VRK2: variants seen among roughly 807,000 people sequenced by gnomAD.
VRK2 encodes VRK serine/threonine kinase 2.
Under a neutral mutation model 57.6 loss-of-function variants are expected in VRK2, and 60 were observed. The observed-to-expected ratio is 1.04, with a 90% CI of 0.85 to 1.29. The LOEUF is 1.29. Ranked by LOEUF, VRK2 falls within the 50% of genes most tolerant of loss-of-function variation. The probability of loss-of-function intolerance (pLI) is 0.00; values close to 1 mark genes in which losing one functional copy is unlikely to be tolerated. For synonymous variants in VRK2, 231 were observed against 199.2 expected (o/e 1.16, Z -1.35); for missense variants, 705 against 588.1 (o/e 1.20, Z -2.06).
intron 1 of VRK2, among the ~76,000 whole-genome samples, chr2:57,926,761 G>T (rs1242716839): frequency 6.7e-6 from 1 of 150,208 alleles, no homozygotes; most frequent in African/African-American, 2.5e-5. Flanking sequence ...TATAGATGAA[G>T]TGTATTTCTT....
chr2:58,048,761 GTATTT>G (rs1317480055), intron 1 of VRK2, 61 bp from the exon 2 acceptor site: 2 of 1,570,056 alleles, frequency 1.3e-6, no homozygotes, highest in Non-Finnish European at 1.7e-6. Context: ...TTTGGGAAGT[GTATTT>G]TAAGAGTTTT....
intron 1 of VRK2, among the ~76,000 whole-genome samples, chr2:57,915,610 C>G (rs1670121618): frequency 6.6e-6 from 1 of 152,194 alleles, no homozygotes; most frequent in African/African-American, 2.4e-5. Flanking sequence ...GACTAGAAAT[C>G]TTCATGAACA....
rs752154121 is a variant in VRK2, at chr2:58,088,421, C to T, written c.425C>T (p.Thr142Ile). The T allele has an allele frequency of 6.2e-7, 1 of 1,612,624 alleles. No homozygotes were observed. The highest frequency in any genetic ancestry group is 1.3e-5 in the African/African-American group (1 of 74,886). ...SGQNGTFKKS[T>I]VLQLGIRMLD... Reference sequence around the variant, plus strand: ...CAGAATGGTACCTTTAAAAAGTCAACTGTCCTGCAATTAGGTATCCGAATG... The same window carrying T: ...CAGAATGGTACCTTTAAAAAGTCAATTGTCCTGCAATTAGGTATCCGAATG... The change falls in exon 6 of 13, where the codon ACT (threonine) becomes ATT (isoleucine). Residue 142 changes from threonine (T) to isoleucine (I), a missense_variant. By Grantham distance (89) the Thr-to-Ile change is moderately conservative. Coordinates refer to ENST00000340157, the MANE Select transcript of VRK2 (RefSeq NM_006296.7).
intron 12 of VRK2, among the ~76,000 whole-genome samples, chr2:58,157,425 A>G (rs1217833192): frequency 6.6e-6 from 1 of 152,148 alleles, no homozygotes; most frequent in East Asian, 1.9e-4. Context: ...GTACTTATCT[A>G]CTAGGTGTCA....
In VRK2 at chr2:57,919,169, G is replaced by A. The variant is rs185322672; in HGVS notation, c.-439+11330G>A. 6.7e-3 allele frequency among the ~76,000 whole-genome samples: 1,016 copies of A among 151,874 alleles called. 11 individuals are homozygous for A. Among genetic ancestry groups the A allele is most frequent in the African/African-American group, 0.022 (923 of 41,478 alleles). ...ATAATGGCAGACTCTGCCCAAAGAG[G>A]GGAAAAAAAGATAGCCTAAAAGTAA... On this transcript the variant is annotated intron_variant, in intron 1 of 15. Transcript: ENST00000417641.
At chr2:57,952,212 G>A (rs1442939313) in intron 1 of VRK2, among the ~76,000 whole-genome samples, 1 of 151,896 alleles carries the variant, frequency 6.6e-6, no homozygotes, top group Admixed American at 6.6e-5. Flanking sequence ...TATGCACTGG[G>A]AAACCAAAAA....
At chr2:58,058,825 A>G (rs1676918215) in intron 2 of VRK2, among the ~76,000 whole-genome samples, 1 of 152,062 alleles carries the variant, frequency 6.6e-6, no homozygotes, top group African/African-American at 2.4e-5. Flanking sequence ...GAGGATACGT[A>G]AATTACCTCC....
At chr2:58,001,016 TA>T (rs2103623245) in intron 1 of VRK2, among the ~76,000 whole-genome samples, 1 of 152,334 alleles carries the variant, frequency 6.6e-6, no homozygotes, top group Admixed American at 6.5e-5. Flanking sequence ...CAATGTTCTA[TA>T]TACATAATGT....
chr2:58,071,252 C>G (rs891724090), intron 2 of VRK2, among the ~76,000 whole-genome samples: 1 of 151,914 alleles, frequency 6.6e-6, no homozygotes, highest in Admixed American at 6.6e-5. Flanking sequence ...TGTGATTTAT[C>G]TTATTATTTT....
chr2:57,981,201 CCTTAAGGACCTTT>C (rs1672413158), intron 1 of VRK2, among the ~76,000 whole-genome samples: 1 of 152,098 alleles, frequency 6.6e-6, no homozygotes, highest in African/African-American at 2.4e-5. Context: ...TTTAGCACTC[CCTTAAGGACCTTT>C]CATAAGGCAG....
At chr2:58,152,973 T>A (rs970746362) in intron 12 of VRK2, among the ~76,000 whole-genome samples, 17 of 151,986 alleles carry the variant, frequency 1.1e-4, no homozygotes, top group African/African-American at 3.9e-4. Flanking sequence ...TCCTTAGATA[T>A]TTTATAACAT....
chr2:58,023,055 G>A (rs1250742817), intron 1 of VRK2, among the ~76,000 whole-genome samples: 1 of 152,106 alleles, frequency 6.6e-6, no homozygotes, highest in African/African-American at 2.4e-5. Flanking sequence ...ACATTGTTCT[G>A]CAACATCACC....
At chr2:58,001,685 G>T (rs976366429) in intron 1 of VRK2, among the ~76,000 whole-genome samples, 1 of 151,998 alleles carries the variant, frequency 6.6e-6, no homozygotes, top group Non-Finnish European at 1.5e-5. Context: ...AGCCAGGCGT[G>T]GTGTCGCGCA....
intron 1 of VRK2, among the ~76,000 whole-genome samples, chr2:57,990,797 G>A (rs1672739817): frequency 1.3e-5 from 2 of 151,968 alleles, no homozygotes; most frequent in Admixed American, 6.6e-5. Flanking sequence ...CATGGGAAAA[G>A]ACTCAGTATG....
intron 2 of VRK2, among the ~76,000 whole-genome samples, chr2:58,058,152 A>G (rs1676808395): frequency 6.6e-6 from 1 of 152,148 alleles, no homozygotes; most frequent in African/African-American, 2.4e-5. Flanking sequence ...ATGAACATTT[A>G]TACATTTTAA....
At chr2:58,156,585 TTTG>T (rs139090015) in intron 12 of VRK2, among the ~76,000 whole-genome samples, 6,765 of 125,682 alleles carry the variant, frequency 0.054, 504 homozygotes, top group African/African-American at 0.29. Flanking sequence ...TGGTGTTTTT[TTTG>T]TTTTGTTTTG....
At chr2:57,969,313 T>A (rs1181683636) in intron 1 of VRK2, among the ~76,000 whole-genome samples, 2 of 152,098 alleles carry the variant, frequency 1.3e-5, no homozygotes, top group African/African-American at 4.8e-5. Flanking sequence ...ATCAAGTTTT[T>A]TTTTGAATTG....
chr2:57,959,524 G>A (rs1278191261), intron 1 of VRK2, among the ~76,000 whole-genome samples: 1 of 152,132 alleles, frequency 6.6e-6, no homozygotes, highest in Non-Finnish European at 1.5e-5. Flanking sequence ...AAGCTCCCTT[G>A]GAAAGCTCCA....
At chr2:58,038,497 A>T (rs1464065125) in intron 3 of VRK2, among the ~76,000 whole-genome samples, 1 of 152,178 alleles carries the variant, frequency 6.6e-6, no homozygotes, top group Non-Finnish European at 1.5e-5. Context: ...TGTAAAGGCA[A>T]CACAGATTTT....
Sources: gnomAD v4.1 joint callset for allele counts (sites outside exome capture counted in the v4.1 genomes callset) on GRCh38, gnomAD v4.1.1 for gene constraint, MANE v1.5 for transcripts, NCBI Gene and HGNC (gene_info 2026-07-23, HGNC 2026-07-21) for gene names.